The following ZMYND8 variants were observed in gnomAD, a reference collection of about 807,000 sequenced individuals.
ZMYND8 encodes zinc finger MYND-type containing 8.
In ZMYND8, 37 loss-of-function variants were observed where a neutral mutation model predicts 140.8. That is an observed-to-expected ratio of 0.26 (90% confidence interval 0.20 to 0.35). The LOEUF (loss-of-function observed/expected upper bound fraction) is 0.35. ZMYND8 is among the 10% of genes least tolerant of loss of function. The pLI, the probability that ZMYND8 is intolerant of heterozygous loss-of-function variation, is 1.00. For missense variants in ZMYND8, 1,068 were observed against 1,570.0 expected (o/e 0.68, Z 5.40); for synonymous variants, 592 against 597.1 (o/e 0.99, Z 0.12).
chr20:47,250,863 T>C (rs1285492570), intron 12 of ZMYND8, among the ~76,000 whole-genome samples: 1 of 152,272 alleles, frequency 6.6e-6, no homozygotes, highest in African/African-American at 2.4e-5. Flanking sequence ...AGGATAAGAT[T>C]AGAAAGAGGT....
chr20:47,266,824 TGTGTGTG>T (rs894890129), intron 11 of ZMYND8, among the ~76,000 whole-genome samples: 4 of 152,174 alleles, frequency 2.6e-5, no homozygotes, highest in Non-Finnish European at 5.9e-5. Flanking sequence ...TCTGTGTGTG[TGTGTGTG>T]GTGTGTGGTG....
intron 16 of ZMYND8, 118 bp downstream of exon 16, chr20:47,236,208 G>A: frequency 8.4e-7 from 1 of 1,190,308 alleles, no homozygotes; most frequent in Non-Finnish European, 1.2e-6. Context: ...TAAAAAAAAG[G>A]GTCTTCACTC....
chr20:47,294,614 C>T, intron 5 of ZMYND8, 52 bp downstream of exon 5: 4 of 1,553,034 alleles, frequency 2.6e-6, no homozygotes, highest in Non-Finnish European at 3.6e-6. Flanking sequence ...CAGAACAAAA[C>T]ATATGTCATT....
chr20:47,313,291 G>A (rs928735431), intron 2 of ZMYND8, among the ~76,000 whole-genome samples: 7 of 151,512 alleles, frequency 4.6e-5, no homozygotes, highest in Admixed American at 3.3e-4. Flanking sequence ...AAACACCTGG[G>A]CAACATGGTG....
chr20:47,351,472 C>T (rs1051371329), intron 1 of ZMYND8, among the ~76,000 whole-genome samples: 6 of 152,146 alleles, frequency 3.9e-5, no homozygotes, highest in African/African-American at 1.4e-4. Flanking sequence ...CACAGCAATT[C>T]AAGAATCATG....
chr20:47,277,828 G>A (rs1433355251), intron 10 of ZMYND8, among the ~76,000 whole-genome samples: 2 of 151,886 alleles, frequency 1.3e-5, no homozygotes, highest in South Asian at 4.2e-4. Flanking sequence ...GTGCCACCAC[G>A]CCCAGCTAAT....
At chr20:47,266,922 T>C (rs907715245) in intron 11 of ZMYND8, among the ~76,000 whole-genome samples, 3 of 152,050 alleles carry the variant, frequency 2.0e-5, no homozygotes, top group Non-Finnish European at 2.9e-5. Context: ...CTATCCAAAA[T>C]TGAAAATAGG....
At chr20:47,352,029 C>G in intron 1 of ZMYND8, 2 of 984,688 alleles carry the variant, frequency 2.0e-6, no homozygotes, top group Non-Finnish European at 2.4e-6. Flanking sequence ...CAACATGAGG[C>G]TCTGTGATGA....
rs1210816825 is a variant in ZMYND8, at chr20:47,298,799, C to T, written c.383G>A (p.Arg128Gln). Residue 128 changes from arginine to glutamine, a missense_variant, in exon 4 of 23, where the codon CGG becomes CAG. This residue lies in a region of ZMYND8 where 109 missense variants were observed against 314.9 expected (regional missense o/e 0.35). Transcript: ENST00000471951. The surrounding 1 kb of genome is among the most constrained non-coding windows in gnomAD (Gnocchi z 5.0). Reference sequence around the variant, plus strand: ...TCTCAGACACTTAGCGTGATAAACCCGGGGACAGAGCTCACAGCAAAGGAC... The same window carrying T: ...TCTCAGACACTTAGCGTGATAAACCTGGGGACAGAGCTCACAGCAAAGGAC... ...GQVLCCELCP[R>Q]VYHAKCLRLT... 6.2e-7 allele frequency: 1 copy of T among 1,614,138 alleles called. No homozygotes were observed. Among genetic ancestry groups the T allele is most frequent in the Non-Finnish European group, 8.5e-7 (1 of 1,180,038 alleles).
chr20:47,239,408 T>C (rs1229243391), intron 14 of ZMYND8, among the ~76,000 whole-genome samples: 2 of 152,198 alleles, frequency 1.3e-5, no homozygotes, highest in African/African-American at 4.8e-5. Flanking sequence ...TAGGGGAGAA[T>C]GAGGCAAACA....
At chr20:47,336,817 C>T (rs186235371) in intron 2 of ZMYND8, among the ~76,000 whole-genome samples, 2 of 152,280 alleles carry the variant, frequency 1.3e-5, no homozygotes, top group Non-Finnish European at 2.9e-5. Context: ...AGCGGATGAG[C>T]CATATTCCTG....
chr20:47,270,852 C>T (rs1235725176), intron 11 of ZMYND8, among the ~76,000 whole-genome samples: 1 of 151,808 alleles, frequency 6.6e-6, no homozygotes, highest in African/African-American at 2.4e-5. Flanking sequence ...CAGAGGCGGG[C>T]AGATCACGAG....
In ZMYND8 at chr20:47,290,277, G is replaced by A; in HGVS notation, c.661-3C>T. ...CCATACATTTTCTTTTTCGCATTCT[G>A]GGAAGAAAAGCGATGGAGCATAATC... On this transcript the variant is annotated splice_polypyrimidine_tract_variant and splice_region_variant and intron_variant, in intron 6 of 22. Transcript: ENST00000471951. 6.2e-7 allele frequency: 1 copy of A among 1,612,762 alleles called. No individual in the cohort carries two copies. Among genetic ancestry groups the A allele is most frequent in the Admixed American group, 1.7e-5 (1 of 59,750 alleles).
chr20:47,336,533 G>A (rs1291298858), intron 2 of ZMYND8, among the ~76,000 whole-genome samples: 1 of 152,192 alleles, frequency 6.6e-6, no homozygotes, highest in Non-Finnish European at 1.5e-5. Context: ...ATGGAGACGT[G>A]AATTCAACCC....
chr20:47,267,332 G>A (rs1336432888), intron 11 of ZMYND8, among the ~76,000 whole-genome samples: 1 of 152,136 alleles, frequency 6.6e-6, no homozygotes, highest in Non-Finnish European at 1.5e-5. Flanking sequence ...AAATGTTTTA[G>A]AACTAGACAG....
Position 47,276,396 on chromosome 20 carries a change from C to T in ZMYND8, c.1398G>A (p.Val466=), listed in dbSNP as rs767770376. Residue 466 remains valine, a synonymous_variant, in exon 11 of 23, where the codon GTG becomes GTA. Transcript: ENST00000471951. ...TGGCCTTCTTCTCAGCATCCTGCTC[C>T]ACGTCGGAGCCCGTGTGCACAGAAG... ...TNSSVHTGSD[V]EQDAEKKATS... is the part of the protein sequence containing the mutation. The T allele has an allele frequency of 1.2e-6, 2 of 1,610,118 alleles. No individual in the cohort carries two copies. The highest frequency in any genetic ancestry group is 4.5e-5 in the East Asian group (2 of 44,734).
intron 2 of ZMYND8, 102 bp downstream of exon 2, chr20:47,347,754 C>A: frequency 1.8e-6 from 2 of 1,106,696 alleles, no homozygotes; most frequent in Admixed American, 4.1e-5. Flanking sequence ...AGAGTTACAA[C>A]GTCGGCTCAG....
At chr20:47,251,878 T>C (rs893211847) in intron 12 of ZMYND8, among the ~76,000 whole-genome samples, 22 of 152,146 alleles carry the variant, frequency 1.4e-4, no homozygotes, top group Non-Finnish European at 7.4e-5. Context: ...CTGGCCGCCA[T>C]GCAAGCCTCC....
chr20:47,334,620 A>G (rs2081244929), intron 2 of ZMYND8, among the ~76,000 whole-genome samples: 1 of 149,024 alleles, frequency 6.7e-6, no homozygotes, highest in Admixed American at 6.7e-5. Context: ...ATATATATAT[A>G]TATATATTTT....
Sources: gnomAD v4.1 joint callset for allele counts (sites outside exome capture counted in the v4.1 genomes callset) on GRCh38, gnomAD v4.1.1 for gene constraint, gnomAD v4.1.1 regional missense constraint, Gnocchi (gnomAD v3.1) non-coding constraint, MANE v1.5 for transcripts, NCBI Gene and HGNC (gene_info 2026-07-23, HGNC 2026-07-21) for gene names.